The following EYA1 variants were observed in gnomAD, a reference collection of about 807,000 sequenced individuals.
The protein encoded by EYA1 is EYA transcriptional coactivator and phosphatase 1, also known as protein phosphatase EYA1.
A neutral mutation model predicts 82.0 loss-of-function variants in EYA1; 16 were observed. The ratio of observed to expected loss-of-function variants is 0.20; its 90% confidence interval spans 0.13 to 0.30. The LOEUF is 0.30. Ranked by LOEUF, EYA1 falls within the 10% of genes least tolerant of loss-of-function variation. The pLI, the probability that EYA1 is intolerant of heterozygous loss-of-function variation, is 1.00. For missense variants in EYA1, 633 were observed against 730.7 expected, an observed-to-expected ratio of 0.87 and a Z score of 1.54; for synonymous variants, 261 against 264.4, an observed-to-expected ratio of 0.99 and a Z score of 0.12.
At chr8:71,494,277 C>T (rs1811248567) in intron 2 of EYA1, among the ~76,000 whole-genome samples, 1 of 152,056 alleles carries the variant, frequency 6.6e-6, no homozygotes. Flanking sequence ...AATGTAGAAG[C>T]TTTGGTTCCT....
chr8:71,442,735 AACGATTT>A (rs1346143386), intron 2 of EYA1, among the ~76,000 whole-genome samples: 1 of 152,204 alleles, frequency 6.6e-6, no homozygotes, highest in Non-Finnish European at 1.5e-5. Flanking sequence ...TTACTACCAT[AACGATTT>A]ACAAACAAGC....
At chr8:71,199,464 G>A in intron 17 of EYA1, 44 bp from the exon 18 acceptor site, 2 of 1,402,262 alleles carry the variant, frequency 1.4e-6, no homozygotes, top group Non-Finnish European at 2.0e-6. Flanking sequence ...AGCACCCAGC[G>A]CCAGCCCTGC....
At chr8:71,407,035 G>GCAGA (rs1476381605) in intron 2 of EYA1, among the ~76,000 whole-genome samples, 11 of 117,332 alleles carry the variant, frequency 9.4e-5, no homozygotes, top group Non-Finnish European at 1.8e-4. Flanking sequence ...CTGAGAACGG[G>GCAGA]CAGACTGCCT....
At chr8:71,452,876 AG>A (rs1240891285) in intron 2 of EYA1, among the ~76,000 whole-genome samples, 1 of 152,232 alleles carries the variant, frequency 6.6e-6, no homozygotes, top group Non-Finnish European at 1.5e-5. Context: ...CCCCCTCCAA[AG>A]GAATGCAGCT....
intron 4 of EYA1, among the ~76,000 whole-genome samples, chr8:71,322,867 G>T (rs1822739021): frequency 6.6e-6 from 1 of 152,126 alleles, no homozygotes; most frequent in Non-Finnish European, 1.5e-5. Flanking sequence ...GTTTTTTCCT[G>T]TGCTGATCTG....
exon 1 of EYA1, chr8:71,547,965 T>C (rs1057413278): frequency 7.9e-5 from 12 of 152,194 alleles, no homozygotes; most frequent in Admixed American, 6.5e-4. Flanking sequence ...AGAGGGGTTC[T>C]GCCTCGGTGT....
chr8:71,369,178 G>A (rs1204583692), intron 2 of EYA1, among the ~76,000 whole-genome samples: 3 of 148,116 alleles, frequency 2.0e-5, no homozygotes, highest in Non-Finnish European at 4.4e-5. Flanking sequence ...TCTCCAGCCT[G>A]GGCAACAGAG....
At chr8:71,448,008 G>GC (rs1563622845) in intron 2 of EYA1, among the ~76,000 whole-genome samples, 2 of 77,584 alleles carry the variant, frequency 2.6e-5, no homozygotes, top group African/African-American at 1.4e-4. Context: ...CTGTTTAAGA[G>GC]CTTTTTTTTT....
chr8:71,404,787 G>A (rs556074434), intron 2 of EYA1: 31 of 153,934 alleles, frequency 2.0e-4, no homozygotes, highest in Non-Finnish European at 2.5e-4. Context: ...ATGTGGTGGC[G>A]GGCGCCTGTA....
At chr8:71,432,419 G>C (rs1230812971) in intron 2 of EYA1, among the ~76,000 whole-genome samples, 2 of 152,168 alleles carry the variant, frequency 1.3e-5, no homozygotes, top group Non-Finnish European at 2.9e-5. Context: ...CTTTCTTTAA[G>C]AGTGCTATAT....
At chr8:71,216,926 T>G (rs1316573763) in intron 13 of EYA1, 39 bp downstream of exon 13, 1 of 1,611,360 alleles carries the variant, frequency 6.2e-7, no homozygotes, top group South Asian at 1.1e-5. Flanking sequence ...AATTAAACTA[T>G]AAAAGGGAGA....
chr8:71,500,532 C>T (rs1811737090), intron 2 of EYA1, among the ~76,000 whole-genome samples: 1 of 152,126 alleles, frequency 6.6e-6, no homozygotes, highest in African/African-American at 2.4e-5. Context: ...CTCTAGGAGT[C>T]TCGTGTATGT....
rs180984066 is a variant in EYA1, at chr8:71,535,905, C to T, written c.-72-57G>A. ...TAATTGTGTGGCATGAAATTCAGAG[C>T]TGGCCTTCACATCTGCAGCTTTCCA... On this transcript the variant is annotated intron_variant, in intron 1 of 18. Coordinates refer to the EYA1 transcript ENST00000643681. 1.4e-4 allele frequency: 68 copies of T among 484,258 alleles called. No individual in the cohort carries two copies. The Admixed American group carries it at 2.3e-3, about 17-fold the overall frequency. 30.0% of individuals were successfully genotyped at this position (484,258 alleles called of 1,614,324 possible).
intron 2 of EYA1, among the ~76,000 whole-genome samples, chr8:71,526,637 C>G (rs1487208294): frequency 6.6e-6 from 1 of 152,210 alleles, no homozygotes; most frequent in Admixed American, 6.5e-5. Context: ...CACATGTGCC[C>G]CTCCACAGGG....
chr8:71,436,168 A>G (rs1333132109), intron 2 of EYA1, among the ~76,000 whole-genome samples: 1 of 152,152 alleles, frequency 6.6e-6, no homozygotes, highest in Non-Finnish European at 1.5e-5. Context: ...ATGATATGAC[A>G]TAATGTACAT....
chr8:71,520,016 A>G (rs1813268622), intron 2 of EYA1, among the ~76,000 whole-genome samples: 1 of 152,228 alleles, frequency 6.6e-6, no homozygotes, highest in Non-Finnish European at 1.5e-5. Context: ...TTAATGTTGA[A>G]TTAAATATTT....
At chr8:71,362,074 C>T (rs1456725740), upstream of EYA1, 12 of 984,916 alleles carry the variant, frequency 1.2e-5, no homozygotes, top group Non-Finnish European at 8.4e-6. Context: ...TCTGAGAACC[C>T]TAGACAAAGA....
chr8:71,484,915 A>C (rs1377628344), intron 2 of EYA1, among the ~76,000 whole-genome samples: 1 of 152,174 alleles, frequency 6.6e-6, no homozygotes, highest in East Asian at 1.9e-4. Context: ...GTTGGGAGCC[A>C]CGCCTGTGAA....
chr8:71,299,043 T>G lies in EYA1; in HGVS notation c.826+4A>C, dbSNP rs1437807150. 6.2e-7 allele frequency: 1 copy of G among 1,612,720 alleles called. No individual in the cohort carries two copies. Among genetic ancestry groups the G allele is most frequent in the East Asian group, 2.2e-5 (1 of 44,882 alleles). ...TGCAGGACTAATAATATTCACATAA[T>G]TACCTGCTGTGGGATCTGTAACTGC... On this transcript the variant is annotated splice_donor_region_variant and intron_variant, in intron 9 of 17. Coordinates refer to ENST00000340726, the MANE Select transcript of EYA1 (RefSeq NM_000503.6).
Sources: gnomAD v4.1 joint callset for allele counts (sites outside exome capture counted in the v4.1 genomes callset) on GRCh38, gnomAD v4.1.1 for gene constraint, MANE v1.5 for transcripts, NCBI Gene and HGNC (gene_info 2026-07-23, HGNC 2026-07-21) for gene names.